The following CNTN5 variants were observed in gnomAD, a reference collection of about 807,000 sequenced individuals.
CNTN5 encodes the protein contactin-5.
CNTN5 carries 77 observed loss-of-function variants against 129.1 expected under a neutral mutation model. The observed-to-expected ratio is 0.60, with a 90% CI of 0.50 to 0.72. CNTN5 has a LOEUF of 0.72. CNTN5 is among the 30% of genes least tolerant of loss of function. The probability of loss-of-function intolerance (pLI) is 0.00; values close to 1 mark genes in which losing one functional copy is unlikely to be tolerated. For missense variants in CNTN5, 1,478 were observed against 1,328.8 expected (o/e 1.11, Z -1.75); for synonymous variants, 509 against 465.6 (o/e 1.09, Z -1.20).
At chr11:99,892,408 A>G (rs1000338814) in intron 6 of CNTN5, among the ~76,000 whole-genome samples, 5 of 152,092 alleles carry the variant, frequency 3.3e-5, no homozygotes, top group Admixed American at 1.3e-4. Flanking sequence ...GCCCATACCT[A>G]TGTCCTGAAT....
chr11:100,131,624 C>T (rs971142968), intron 13 of CNTN5, among the ~76,000 whole-genome samples: 7 of 151,750 alleles, frequency 4.6e-5, no homozygotes, highest in African/African-American at 1.7e-4. Flanking sequence ...GAACAAAGCC[C>T]ACTGCCTAAA....
At chr11:99,355,954 G>C (rs1335006364) in intron 2 of CNTN5, among the ~76,000 whole-genome samples, 1 of 151,534 alleles carries the variant, frequency 6.6e-6, no homozygotes, top group African/African-American at 2.4e-5. Flanking sequence ...AGCCTCCCAA[G>C]TAGCTGGGAC....
At chr11:100,157,483 G>A (rs929300368) in intron 13 of CNTN5, among the ~76,000 whole-genome samples, 5 of 151,022 alleles carry the variant, frequency 3.3e-5, no homozygotes, top group Admixed American at 2.6e-4. Flanking sequence ...GATATACCAT[G>A]TTAATGAATT....
intron 2 of CNTN5, among the ~76,000 whole-genome samples, chr11:99,365,031 A>C (rs1565523772): frequency 1.3e-5 from 2 of 152,288 alleles, no homozygotes; most frequent in South Asian, 2.1e-4. Flanking sequence ...TGGAATAAAA[A>C]ACCTAATTAA....
At chr11:99,930,796 A>AACACACACACACAC (rs59103010) in intron 7 of CNTN5, among the ~76,000 whole-genome samples, 12,329 of 149,470 alleles carry the variant, frequency 0.082, 577 homozygotes, top group Non-Finnish European at 0.1. Context: ...CATACACACA[A>AACACACACACACAC]ACACACACAC....
At chr11:100,345,093 C>T (rs370005279) in intron 23 of CNTN5, among the ~76,000 whole-genome samples, 6 of 152,168 alleles carry the variant, frequency 3.9e-5, no homozygotes, top group Middle Eastern at 3.4e-3. Context: ...AGTCCTTTTG[C>T]GCTGTTATAA....
chr11:99,541,873 TAGG>T (rs1316777341), intron 2 of CNTN5, among the ~76,000 whole-genome samples: 1 of 144,902 alleles, frequency 6.9e-6, no homozygotes, highest in Non-Finnish European at 1.5e-5. Context: ...AGCTTGAACC[TAGG>T]AGATTGGGGC....
chr11:99,769,989 A>G (rs902541257), intron 3 of CNTN5, among the ~76,000 whole-genome samples: 3 of 151,938 alleles, frequency 2.0e-5, no homozygotes, highest in Non-Finnish European at 4.4e-5. Flanking sequence ...TTTTTGTTTT[A>G]TTTTCTAAAG....
intron 3 of CNTN5, among the ~76,000 whole-genome samples, chr11:99,638,487 A>G (rs778382808): frequency 1.3e-5 from 2 of 152,140 alleles, no homozygotes; most frequent in Non-Finnish European, 2.9e-5. Context: ...CCAAAAGTCC[A>G]AAGTCCAAAG....
intron 8 of CNTN5, among the ~76,000 whole-genome samples, chr11:99,978,231 G>A (rs1479372962): frequency 6.6e-6 from 1 of 152,154 alleles, no homozygotes; most frequent in East Asian, 1.9e-4. Flanking sequence ...TGTACAATAT[G>A]TTTGTCTTTT....
intron 7 of CNTN5, among the ~76,000 whole-genome samples, chr11:99,939,713 C>G (rs1950392854): frequency 6.6e-6 from 1 of 151,924 alleles, no homozygotes; most frequent in South Asian, 2.1e-4. Context: ...AAATATTAAG[C>G]TATATTTTGA....
intron 4 of CNTN5, among the ~76,000 whole-genome samples, chr11:99,837,906 C>A (rs1472722081): frequency 1.3e-5 from 2 of 151,868 alleles, no homozygotes; most frequent in Admixed American, 1.3e-4. Flanking sequence ...TTGTTAATTT[C>A]TCATTTTTCA....
intron 1 of CNTN5, among the ~76,000 whole-genome samples, chr11:99,080,831 T>C (rs1175866606): frequency 6.6e-6 from 1 of 152,160 alleles, no homozygotes; most frequent in Non-Finnish European, 1.5e-5. Context: ...TTAAATGAAC[T>C]AGATGGTCTA....
At chr11:99,229,563 A>T (rs1380984708) in intron 1 of CNTN5, among the ~76,000 whole-genome samples, 2 of 151,264 alleles carry the variant, frequency 1.3e-5, no homozygotes, top group Admixed American at 6.6e-5. Flanking sequence ...GGAGGTCAAT[A>T]AAAGGGAAAG....
chr11:100,262,268 G>A (rs967994038), intron 17 of CNTN5, among the ~76,000 whole-genome samples: 4 of 152,122 alleles, frequency 2.6e-5, no homozygotes, highest in Non-Finnish European at 4.4e-5. Flanking sequence ...TTAGAATGGC[G>A]ATCATTAAAA....
intron 3 of CNTN5, among the ~76,000 whole-genome samples, chr11:99,778,128 A>G (rs920338109): frequency 1.3e-5 from 2 of 151,856 alleles, no homozygotes; most frequent in African/African-American, 4.8e-5. Context: ...GTAGTGTTTA[A>G]GCCTTGTTCT....
chr11:99,750,586 A>G lies in CNTN5; in HGVS notation c.56-68958A>G, dbSNP rs566099679. ...CCACTCTTACCTCCTCTGTAAGGGG[A>G]AAAAAAAAAGATAATAAATTTTGTT... is the stretch of plus-strand genomic sequence containing the variant. On this transcript the variant is annotated intron_variant, in intron 3 of 24. Transcript: ENST00000524871. Among the ~76,000 whole-genome samples, 218 of 147,510 alleles carry G rather than the reference A, an allele frequency of 1.5e-3. 2 individuals carry two copies. The highest frequency in any genetic ancestry group is 1.3e-3 in the South Asian group (6 of 4,694).
chr11:100,018,648 A>G (rs919136172), intron 9 of CNTN5, among the ~76,000 whole-genome samples: 3 of 151,978 alleles, frequency 2.0e-5, no homozygotes, highest in Admixed American at 2.0e-4. Flanking sequence ...AAGTCTTTAT[A>G]TGCACATAAG....
chr11:99,601,951 A>T (rs1950324011), intron 3 of CNTN5, among the ~76,000 whole-genome samples: 1 of 152,246 alleles, frequency 6.6e-6, no homozygotes, highest in Non-Finnish European at 1.5e-5. Context: ...TACAAAATGC[A>T]TAACCATTTT....
Sources: gnomAD v4.1 joint callset for allele counts (sites outside exome capture counted in the v4.1 genomes callset) on GRCh38, gnomAD v4.1.1 for gene constraint, MANE v1.5 for transcripts, NCBI Gene and HGNC (gene_info 2026-07-23, HGNC 2026-07-21) for gene names.